ZNF90: variants seen among roughly 807,000 people sequenced by gnomAD.
The protein encoded by ZNF90 is zinc finger protein HTF9.
Under a neutral mutation model 12.0 loss-of-function variants are expected in ZNF90, and 11 were observed. The observed-to-expected ratio is 0.92, with a 90% CI of 0.58 to 1.52. The LOEUF (loss-of-function observed/expected upper bound fraction) is 1.52. ZNF90 is among the 40% of genes most tolerant of loss of function. The pLI is 0.00. For synonymous variants in ZNF90, 232 were observed against 240.1 expected, an observed-to-expected ratio of 0.97 and a Z score of 0.31; for missense variants, 765 against 711.5, an observed-to-expected ratio of 1.08 and a Z score of -0.86.
In ZNF90 at chr19:20,118,590, T is replaced by C. The variant is rs934195413; in HGVS notation, c.1036T>C (p.Cys346Arg). 30 of 1,612,806 alleles carry C rather than the reference T, an allele frequency of 1.9e-5. No individual in the cohort carries two copies. Among genetic ancestry groups the C allele is most frequent in the Middle Eastern group, 1.7e-4 (1 of 6,056 alleles). Residue 346 changes from cysteine to arginine, a missense_variant, in exon 4 of 4, where the codon TGT becomes CGT. Transcript: ENST00000418063. Reference protein sequence around the residue: ...TGEKPYKCEECGKAFRRSLVL... With the variant: ...TGEKPYKCEERGKAFRRSLVL... ...AGAGAAACCCTACAAATGTGAAGAATGTGGCAAAGCCTTCAGGCGCTCCTT... is the reference window on the plus strand; with the variant it reads ...AGAGAAACCCTACAAATGTGAAGAACGTGGCAAAGCCTTCAGGCGCTCCTT...
chr19:20,086,100 G>A (rs185942367), intron 1 of ZNF90, among the ~76,000 whole-genome samples: 8 of 152,240 alleles, frequency 5.3e-5, no homozygotes, highest in Non-Finnish European at 1.0e-4. Context: ...AGCAAGAACA[G>A]TTCAGTGCAT....
intron 1 of ZNF90, among the ~76,000 whole-genome samples, chr19:20,081,845 AG>A (rs2088822482): frequency 6.6e-6 from 1 of 150,998 alleles, no homozygotes; most frequent in Admixed American, 6.6e-5. Context: ...GCTCACTGCA[AG>A]GTCTGCCTCC....
intron 1 of ZNF90, among the ~76,000 whole-genome samples, chr19:20,088,455 TG>T (rs1455417207): frequency 6.6e-6 from 1 of 151,542 alleles, no homozygotes; most frequent in African/African-American, 2.4e-5. Flanking sequence ...AGGAGAAAAA[TG>T]GGTATTAAAG....
chr19:20,111,761 T>G (rs2089090737), intron 3 of ZNF90, among the ~76,000 whole-genome samples: 1 of 152,194 alleles, frequency 6.6e-6, no homozygotes, highest in Non-Finnish European at 1.5e-5. Flanking sequence ...ATTTTAATCT[T>G]ATAAGAACTT....
intron 1 of ZNF90, among the ~76,000 whole-genome samples, chr19:20,092,179 T>C (rs541312483): frequency 2.2e-4 from 33 of 152,246 alleles, no homozygotes; most frequent in African/African-American, 6.0e-4. Flanking sequence ...AGAGTGAGTA[T>C]AGCAGAAGGA....
intron 1 of ZNF90, among the ~76,000 whole-genome samples, chr19:20,099,129 C>T (rs1555703565): frequency 6.6e-6 from 1 of 152,002 alleles, no homozygotes; most frequent in Non-Finnish European, 1.5e-5. Context: ...GTTGTGACTT[C>T]TGATGTCTAC....
intron 1 of ZNF90, chr19:20,087,713 C>G: frequency 6.6e-6 from 1 of 152,388 alleles, no homozygotes; most frequent in African/African-American, 2.4e-5. Flanking sequence ...GAAGAGACCA[C>G]CAAACAGGCT....
chr19:20,094,264 G>A (rs1243645404), intron 1 of ZNF90, among the ~76,000 whole-genome samples: 2 of 152,212 alleles, frequency 1.3e-5, no homozygotes, highest in African/African-American at 4.8e-5. Flanking sequence ...CCTTGAAGGT[G>A]AGGTTGATTA....
intron 3 of ZNF90, among the ~76,000 whole-genome samples, chr19:20,112,752 T>C (rs782098203): frequency 6.6e-6 from 1 of 152,228 alleles, no homozygotes; most frequent in Non-Finnish European, 1.5e-5. Flanking sequence ...AATGTTTTTT[T>C]GTTACATCAA....
chr19:20,099,950 T>G lies in ZNF90; in HGVS notation c.4-4289T>G, dbSNP rs577406454. Among the ~76,000 whole-genome samples, 10 of 152,106 alleles carry G rather than the reference T, an allele frequency of 6.6e-5. No individual in the cohort carries two copies. In the South Asian group the frequency reaches 2.1e-3, roughly 32 times the overall value. ...TTGGCTGTACAGAAACCTAAAGAGGTGGCAGTCTTATACTGCTGGGGTCAT... is the reference window on the plus strand; with the variant it reads ...TTGGCTGTACAGAAACCTAAAGAGGGGGCAGTCTTATACTGCTGGGGTCAT... On this transcript the variant is annotated intron_variant, in intron 1 of 3. Coordinates refer to ENST00000418063, the MANE Select transcript of ZNF90 (RefSeq NM_007138.2).
rs531427232 is a variant in ZNF90 at position 20,105,948 on chromosome 19, A to G, written c.226+632A>G. 2.0e-5 allele frequency among the ~76,000 whole-genome samples: 3 copies of G among 151,818 alleles called. No individual in the cohort carries two copies. The East Asian group carries it at 5.8e-4, about 29-fold the overall frequency. On this transcript the variant is annotated intron_variant, in intron 3 of 3. Transcript: ENST00000418063. The stretch of plus-strand genomic sequence containing the variant: ...GCTAGGAAGTTTATTGAATCTATAG[A>G]TCACTTTGGATAATATGGCACTTGA...
At chr19:20,117,743 T>C (rs1555705843) in intron 3 of ZNF90, 38 bp from the exon 4 acceptor site, 1 of 1,454,330 alleles carries the variant, frequency 6.9e-7, no homozygotes, top group African/African-American at 1.4e-5. Flanking sequence ...TATCAGAATC[T>C]AGCAATTGAA....
intron 1 of ZNF90, 52 bp downstream of exon 1, chr19:20,078,187 G>T: frequency 6.2e-6 from 10 of 1,612,454 alleles, no homozygotes; most frequent in Non-Finnish European, 8.5e-6. Context: ...GGTTGGAACC[G>T]ATGGGAAGTG....
At chr19:20,088,391 C>T (rs887696594) in intron 1 of ZNF90, among the ~76,000 whole-genome samples, 15 of 151,814 alleles carry the variant, frequency 9.9e-5, no homozygotes, top group South Asian at 6.3e-4. Context: ...GGCCTGGATA[C>T]GGTTTTGGAT....
intron 3 of ZNF90, among the ~76,000 whole-genome samples, chr19:20,115,069 A>AT (rs1191185166): frequency 6.6e-6 from 1 of 152,162 alleles, no homozygotes; most frequent in East Asian, 1.9e-4. Context: ...CTTAAATTAC[A>AT]TTTTATAAAA....
intron 3 of ZNF90, among the ~76,000 whole-genome samples, chr19:20,111,298 CT>C (rs1385079345): frequency 1.3e-5 from 2 of 152,148 alleles, no homozygotes; most frequent in Non-Finnish European, 2.9e-5. Context: ...AGGCTCAGTG[CT>C]ACCCAAACCT....
chr19:20,078,105 C>G lies in ZNF90; in HGVS notation c.-28C>G. 6.2e-7 allele frequency: 1 copy of G among 1,614,122 alleles called. No individual in the cohort carries two copies. The highest frequency in any genetic ancestry group is 1.1e-5 in the South Asian group (1 of 91,064). Reference sequence around the variant, plus strand: ...TGACCTGCAGGTATTGGGAGATCCACAGCTGAGGGACCCCCGGAAGCCTAG... The same window carrying G: ...TGACCTGCAGGTATTGGGAGATCCAGAGCTGAGGGACCCCCGGAAGCCTAG... On this transcript the variant is annotated 5_prime_UTR_variant, in exon 1 of 4. Transcript: ENST00000418063.
At chr19:20,104,475 C>T in intron 2 of ZNF90, 110 bp downstream of exon 2, 2 of 1,226,086 alleles carry the variant, frequency 1.6e-6, no homozygotes, top group South Asian at 2.0e-5. Context: ...AGTTTTAGAT[C>T]CCCCTTTTCC....
At chr19:20,103,909 C>T (rs1555704110) in intron 1 of ZNF90, among the ~76,000 whole-genome samples, 1 of 151,992 alleles carries the variant, frequency 6.6e-6, no homozygotes, top group Non-Finnish European at 1.5e-5. Context: ...CGTGTCTTTT[C>T]TGTCTGAAAA....
Sources: allele counts gnomAD v4.1 joint callset (sites outside exome capture counted in the v4.1 genomes callset), GRCh38; gene constraint gnomAD v4.1.1; transcripts MANE v1.5; gene names NCBI Gene and HGNC (gene_info 2026-07-23, HGNC 2026-07-21).